The following UBE2L6 variants were observed in gnomAD, a reference collection of about 807,000 sequenced individuals.
The protein encoded by UBE2L6 is ubiquitin/ISG15-conjugating enzyme E2 L6.
UBE2L6 carries 11 observed loss-of-function variants against 13.6 expected under a neutral mutation model. The ratio of observed to expected loss-of-function variants is 0.81; its 90% CI spans 0.51 to 1.34. UBE2L6 has a LOEUF of 1.34. Ranked by LOEUF, UBE2L6 falls within the 40% of genes most tolerant of loss-of-function variation. The pLI, the probability that UBE2L6 is intolerant of heterozygous loss-of-function variation, is 0.00. For synonymous variants in UBE2L6, 74 were observed against 83.2 expected, an observed-to-expected ratio of 0.89 and a Z score of 0.60; for missense variants, 197 against 199.5, an observed-to-expected ratio of 0.99 and a Z score of 0.07.
Position 57,560,397 on chromosome 11 carries a change from G to T in UBE2L6, c.63C>A (p.Tyr21Ter). 6.2e-7 allele frequency: 1 copy of T among 1,613,878 alleles called. No homozygotes were observed. Among genetic ancestry groups the T allele is most frequent in the Non-Finnish European group, 8.5e-7 (1 of 1,179,966 alleles). Residue 21 changes from tyrosine to a stop codon, truncating the protein, a stop_gained, in exon 2 of 4, where the codon TAC (tyrosine) becomes TAA (stop). Coordinates refer to ENST00000287156, the MANE Select transcript of UBE2L6 (RefSeq NM_004223.5). LOFTEE classifies it high-confidence loss of function. The part of the protein sequence containing the change: ...LEDLQKKPPP[Y>*]LRNLSSDDAN... The stretch of plus-strand genomic sequence containing the variant: ...CATCATCGCTGGACAGGTTCCGCAG[G>T]TATGGGGGAGGCTTCTTCTGAAGAT...
At chr11:57,558,363 G>A (rs1247913040) in intron 2 of UBE2L6, among the ~76,000 whole-genome samples, 1 of 152,182 alleles carries the variant, frequency 6.6e-6, no homozygotes, top group Non-Finnish European at 1.5e-5. Context: ...ACAGGTGTAA[G>A]CCACCGTGCC....
chr11:57,556,464 A>C (rs1399412589), intron 2 of UBE2L6, among the ~76,000 whole-genome samples: 1 of 151,978 alleles, frequency 6.6e-6, no homozygotes, highest in East Asian at 1.9e-4. Context: ...CATGCCTGTA[A>C]TATCCGCTAC....
At chr11:57,565,641 AG>A (rs1284918457) in intron 1 of UBE2L6, among the ~76,000 whole-genome samples, 3 of 152,176 alleles carry the variant, frequency 2.0e-5, no homozygotes, top group African/African-American at 7.2e-5. Flanking sequence ...CTGATATTAC[AG>A]GAGTGGGACA....
At chr11:57,563,097 A>G (rs1415558800) in intron 1 of UBE2L6, among the ~76,000 whole-genome samples, 1 of 152,210 alleles carries the variant, frequency 6.6e-6, no homozygotes, top group Non-Finnish European at 1.5e-5. Flanking sequence ...AAGAAATTCA[A>G]TATTTCCTCC....
upstream of UBE2L6, chr11:57,567,920 G>A (rs1029793229): frequency 3.5e-5 from 12 of 343,108 alleles, no homozygotes; most frequent in Non-Finnish European, 6.3e-5. Context: ...CGCGGGGTGC[G>A]CCGTGCACCG....
chr11:57,560,539 G>A, intron 1 of UBE2L6, 107 bp from the exon 2 acceptor site: 1 of 776,782 alleles, frequency 1.3e-6, no homozygotes, highest in Non-Finnish European at 2.2e-6. Context: ...GGCCATCTTA[G>A]GGGCAGAAGC....
At chr11:57,552,556 A>G in intron 3 of UBE2L6, 47 bp from the exon 4 acceptor site, 1 of 1,609,686 alleles carries the variant, frequency 6.2e-7, no homozygotes, top group East Asian at 2.2e-5. Flanking sequence ...GAGGGAAGGG[A>G]GTCATGGCTG....
intron 2 of UBE2L6, among the ~76,000 whole-genome samples, chr11:57,555,170 A>G (rs1275800912): frequency 3.3e-5 from 5 of 152,232 alleles, no homozygotes; most frequent in African/African-American, 1.2e-4. Flanking sequence ...GTAGACACCC[A>G]AAGAACTGAA....
At chr11:57,567,563 G>A (rs1380693629) in intron 1 of UBE2L6, 22 bp downstream of exon 1, 1 of 1,606,132 alleles carries the variant, frequency 6.2e-7, no homozygotes, top group Non-Finnish European at 8.5e-7. Flanking sequence ...CAAGAGAAAG[G>A]GGTCATCCTA....
intron 2 of UBE2L6, 82 bp from the exon 3 acceptor site, chr11:57,554,705 G>A: frequency 6.8e-7 from 1 of 1,464,776 alleles, no homozygotes; most frequent in Non-Finnish European, 9.5e-7. Flanking sequence ...GGCATCCTCT[G>A]CTTCACTCCC....
At chr11:57,560,494 C>G in intron 1 of UBE2L6, 62 bp from the exon 2 acceptor site, 2 of 1,303,386 alleles carry the variant, frequency 1.5e-6, no homozygotes, top group South Asian at 1.2e-5. Flanking sequence ...CCCCCTCCCC[C>G]TGCCCCAGCA....
chr11:57,556,275 G>C (rs1944996562), intron 2 of UBE2L6, among the ~76,000 whole-genome samples: 1 of 152,118 alleles, frequency 6.6e-6, no homozygotes, highest in Non-Finnish European at 1.5e-5. Context: ...ATTCGGCTCT[G>C]ACACTCACTA....
rs1944966713 is a variant in UBE2L6 at position 57,552,462 on chromosome 11, G to T, written c.358C>A (p.Pro120Thr). 1.2e-6 allele frequency: 2 copies of T among 1,614,172 alleles called. No individual in the cohort carries two copies. Among genetic ancestry groups the T allele is most frequent in the Non-Finnish European group, 8.5e-7 (1 of 1,180,016 alleles). ...VLVNRPNIRE[P>T]LRMDLADLLT... is the part of the protein sequence containing the mutation. The stretch of plus-strand genomic sequence containing the variant: ...AGGTCAGCGAGGTCCATCCGCAGGG[G>T]CTCCCTGATATTCGGTCTATTCACC... The change falls in exon 4 of 4, where the codon CCC becomes ACC. Residue 120 changes from proline to threonine, a missense_variant. Transcript: ENST00000287156.
At chr11:57,552,607 G>A (rs1259628169) in intron 3 of UBE2L6, 98 bp from the exon 4 acceptor site, 2 of 1,476,228 alleles carry the variant, frequency 1.4e-6, no homozygotes, top group East Asian at 4.5e-5. Context: ...CACTCCTTGG[G>A]GGAAAGGTTA....
chr11:57,567,702 AC>A (rs1366288374), upstream of UBE2L6: 121 of 1,172,792 alleles, frequency 1.0e-4, no homozygotes, highest in African/African-American at 2.4e-3. Flanking sequence ...CGGGGACCCC[AC>A]CCCCGGCAGC....
At chr11:57,567,394 A>G (rs1187132086) in intron 1 of UBE2L6, 191 bp downstream of exon 1, 4 of 795,838 alleles carry the variant, frequency 5.0e-6, no homozygotes, top group Non-Finnish European at 8.0e-6. Context: ...AACCCCCAAA[A>G]CCCCAGCTCT....
At chr11:57,567,874 G>A (rs1165216338), upstream of UBE2L6, 1 of 416,018 alleles carries the variant, frequency 2.4e-6, no homozygotes. Flanking sequence ...ACGGGGGCGG[G>A]CCTCGGGGCG....
intron 2 of UBE2L6, among the ~76,000 whole-genome samples, chr11:57,556,646 A>G (rs1284422829): frequency 6.6e-6 from 1 of 151,310 alleles, no homozygotes; most frequent in African/African-American, 2.4e-5. Flanking sequence ...GTAGGAAGAT[A>G]AAGAAAATAT....
chr11:57,552,543 G>A (rs1395623337), intron 3 of UBE2L6, 34 bp from the exon 4 acceptor site: 3 of 1,612,984 alleles, frequency 1.9e-6, no homozygotes, highest in African/African-American at 1.3e-5. Context: ...GGATATCAGG[G>A]CAGAGGGAAG....
Sources: gnomAD v4.1 joint callset for allele counts (sites outside exome capture counted in the v4.1 genomes callset) on GRCh38, gnomAD v4.1.1 for gene constraint, MANE v1.5 for transcripts, NCBI Gene and HGNC (gene_info 2026-07-23, HGNC 2026-07-21) for gene names.